FAN1: variants seen among roughly 807,000 people sequenced by gnomAD.
The protein encoded by FAN1 is FANCD2 and FANCI associated nuclease 1.
In FAN1, 91 loss-of-function variants were observed where a neutral mutation model predicts 104.9. That is an observed-to-expected ratio of 0.87 (90% confidence interval 0.73 to 1.03). The LOEUF (loss-of-function observed/expected upper bound fraction) is 1.03, where lower values mean the gene tolerates loss of function less well. Ranked by LOEUF, FAN1 falls within the 50% of genes least tolerant of loss-of-function variation. FAN1 has a pLI of 0.00. For missense variants in FAN1, 1,263 were observed against 1,239.9 expected (o/e 1.02, Z -0.28); for synonymous variants, 478 against 457.6 (o/e 1.04, Z -0.57).
At position 30,939,557 on chromosome 15, in the gene FAN1, T is replaced by C. The variant is rs116296754; in HGVS notation, c.*4-2009T>C. On this transcript the variant is annotated intron_variant, in intron 14 of 14. Coordinates refer to ENST00000362065, the MANE Select transcript of FAN1 (RefSeq NM_014967.5). ...AAAATAAAAGTATTTTACATTTGAT[T>C]ATCATACAAAAATATGCATTTTTCT... is the stretch of plus-strand genomic sequence containing the variant. The C allele has an allele frequency of 7.9e-4, 759 of 965,780 alleles. 7 individuals are homozygous for C. In the African/African-American group the frequency reaches 0.012, roughly 16 times the overall value. 59.8% of individuals were successfully genotyped at this position (965,780 alleles called of 1,614,324 possible). A position where few individuals can be genotyped will look rare whatever the true frequency, so the allele number is the denominator to read the frequency against.
chr15:30,942,698 A>C lies in FAN1; in HGVS notation c.*1136A>C, dbSNP rs867699549. ...AATCTGCCCACTCTCAGGTACTGAG[A>C]CTTTGTGGGCCTCAGACACCAGGAA... On this transcript the variant is annotated 3_prime_UTR_variant, in exon 15 of 15. Coordinates refer to ENST00000362065, the MANE Select transcript of FAN1 (RefSeq NM_014967.5). The C allele has an allele frequency of 4.4e-5, 25 of 571,912 alleles. No individual in the cohort carries two copies. Among genetic ancestry groups the C allele is most frequent in the Middle Eastern group, 9.2e-4 (2 of 2,182 alleles). 35.4% of individuals were successfully genotyped at this position (571,912 alleles called of 1,614,324 possible). A position where few individuals can be genotyped will look rare whatever the true frequency, so the allele number is the denominator to read the frequency against.
chr15:30,922,445 T>A, intron 8 of FAN1, 91 bp downstream of exon 8: 1 of 1,266,924 alleles, frequency 7.9e-7, no homozygotes, highest in Non-Finnish European at 1.1e-6. Context: ...AATTTACATG[T>A]AATTAGAACA....
chr15:30,923,772 C>T (rs2062392739), intron 8 of FAN1, among the ~76,000 whole-genome samples: 1 of 152,190 alleles, frequency 6.6e-6, no homozygotes, highest in South Asian at 2.1e-4. Context: ...CTCTGGATGG[C>T]CTGAGCCTTC....
At chr15:30,930,938 T>A (rs1488262389) in intron 13 of FAN1, among the ~76,000 whole-genome samples, 2 of 152,154 alleles carry the variant, frequency 1.3e-5, no homozygotes, top group African/African-American at 2.4e-5. Context: ...CCTGCTGTAT[T>A]CTGTGGTTAG....
At chr15:30,924,167 CAT>C (rs1248138805) in intron 8 of FAN1, among the ~76,000 whole-genome samples, 1 of 152,234 alleles carries the variant, frequency 6.6e-6, no homozygotes, top group East Asian at 1.9e-4. Context: ...CATCGTGGCA[CAT>C]GTCAGGACTC....
chr15:30,938,948 G>A (rs1307911252), intron 14 of FAN1: 7 of 985,188 alleles, frequency 7.1e-6, no homozygotes, highest in Admixed American at 6.2e-5. Flanking sequence ...ACAAACAGTC[G>A]CTGTGGAATT....
At position 30,905,438 on chromosome 15, in the gene FAN1, G is replaced by T; in HGVS notation, c.775G>T (p.Asp259Tyr). 6.2e-7 allele frequency: 1 copy of T among 1,614,066 alleles called. No homozygotes were observed. Among genetic ancestry groups the T allele is most frequent in the South Asian group, 1.1e-5 (1 of 91,082 alleles). Residue 259 changes from aspartate to tyrosine, a missense_variant, in exon 2 of 15, where the codon GAT (aspartate) becomes TAT (tyrosine). Asp to Tyr is a radical substitution (Grantham distance 160). Around this residue, in one of 2 missense-constraint regions of FAN1, gnomAD observed 682 missense variants for 571.1 expected, o/e 1.19. Coordinates refer to ENST00000362065, the MANE Select transcript of FAN1 (RefSeq NM_014967.5). ...EKSALTPGFS[D>Y]NAIMLFSPDF... The stretch of plus-strand genomic sequence containing the variant: ...ATCAGCCCTCACCCCTGGATTCTCA[G>T]ATAATGCGATCATGTTATTCTCACC...
At chr15:30,923,216 G>C (rs1158224990) in intron 8 of FAN1, among the ~76,000 whole-genome samples, 1 of 152,198 alleles carries the variant, frequency 6.6e-6, no homozygotes, top group Non-Finnish European at 1.5e-5. Context: ...ACGTATCAGG[G>C]AAAGAGCCAG....
At chr15:30,922,415 T>A (rs2062356039) in intron 8 of FAN1, 61 bp downstream of exon 8, 2 of 1,513,628 alleles carry the variant, frequency 1.3e-6, no homozygotes, top group Non-Finnish European at 1.8e-6. Flanking sequence ...TTTTAAAATA[T>A]GGCAAACTTA....
Position 30,941,997 on chromosome 15 carries a change from G to C in FAN1, c.*435G>C, listed in dbSNP as rs371202080. The C allele has an allele frequency of 3.1e-6, 5 of 1,614,004 alleles. No individual in the cohort carries two copies. In the African/African-American group the frequency reaches 5.3e-5, roughly 17 times the overall value. On this transcript the variant is annotated 3_prime_UTR_variant, in exon 15 of 15. Coordinates refer to ENST00000362065, the MANE Select transcript of FAN1 (RefSeq NM_014967.5). ...TTTAATATCAATGAATTTCTCCTTG[G>C]AAGTAATTCTTGGTCACTGATGATT...
At chr15:30,928,680 G>A (rs778569968) in intron 11 of FAN1, 24 bp downstream of exon 11, 12 of 1,613,296 alleles carry the variant, frequency 7.4e-6, no homozygotes, top group South Asian at 3.3e-5. Context: ...CCTGCCCCAC[G>A]AGTAGGTCCT....
chr15:30,908,160 T>C lies in FAN1; in HGVS notation c.1277T>C (p.Leu426Ser), dbSNP rs1361851911. 5.0e-6 allele frequency: 8 copies of C among 1,610,682 alleles called. 1 individual carries two copies. The South Asian group carries it at 7.8e-5, about 16-fold the overall frequency. Residue 426 changes from leucine to serine, a missense_variant, in exon 3 of 15, where the codon TTA becomes TCA. By Grantham distance (145) the Leu-to-Ser change is moderately radical. Transcript: ENST00000362065. The part of the protein sequence containing the change: ...KLYVRLFQRK[L>S]SWIKMTKLEY... The stretch of plus-strand genomic sequence containing the variant: ...TATGTAAGGCTCTTTCAACGTAAAT[T>C]AAGCTGGATTAAGATGACCAAATTA...
chr15:30,914,064 T>G lies in FAN1; in HGVS notation c.1784T>G (p.Ile595Ser). 1 of 1,613,858 alleles carries G rather than the reference T, an allele frequency of 6.2e-7. No homozygotes were observed. Among genetic ancestry groups the G allele is most frequent in the Non-Finnish European group, 8.5e-7 (1 of 1,179,732 alleles). The change falls in exon 5 of 15, where the codon ATC becomes AGC. Residue 595 changes from isoleucine to serine, a missense_variant. Coordinates refer to ENST00000362065, the MANE Select transcript of FAN1 (RefSeq NM_014967.5). The stretch of plus-strand genomic sequence containing the variant: ...TACACCATCAATCGGAAAACCCACA[T>G]CTTCCAAGACAGAGATGATCTTATC... ...PSYTINRKTHIFQDRDDLIRY... is the reference protein window; with the variant it reads ...PSYTINRKTHSFQDRDDLIRY...
chr15:30,926,198 G>A (rs960592066), intron 10 of FAN1, among the ~76,000 whole-genome samples: 2 of 152,218 alleles, frequency 1.3e-5, no homozygotes, highest in Non-Finnish European at 2.9e-5. Flanking sequence ...TACTGCACAA[G>A]CCTTTGTACA....
intron 12 of FAN1, 112 bp from the exon 13 acceptor site, chr15:30,930,431 T>C (rs1035670725): frequency 2.2e-5 from 27 of 1,253,048 alleles, no homozygotes; most frequent in East Asian, 1.6e-4. Context: ...CTGGGGTCCA[T>C]GTGCACTGAA....
chr15:30,908,276 A>C lies in FAN1; in HGVS notation c.1375+18A>C, dbSNP rs371629533. On this transcript the variant is annotated intron_variant, in intron 3 of 14. Coordinates refer to ENST00000362065, the MANE Select transcript of FAN1 (RefSeq NM_014967.5). ...ACAGACAGGTATGACTAGTAGAAGG[A>C]GATGTGAAATGAAAATATGATCTGA... 1.7e-5 allele frequency: 26 copies of C among 1,560,774 alleles called. No individual in the cohort carries two copies. In the African/African-American group the frequency reaches 3.3e-4, roughly 20 times the overall value.
rs2062304168 is a variant in FAN1 at position 30,920,565 on chromosome 15, T to C, written c.1964T>C (p.Leu655Pro). ...PSLRCHEDLP[L>P]FLRCFTVGWI... ...TTTAGATGCCACGAAGATTTACCAC[T>C]CTTCCTGCGGTGTTTCACTGTTGGG... Residue 655 changes from leucine to proline, a missense_variant, in exon 7 of 15, where the codon CTC becomes CCC. By Grantham distance (98) the Leu-to-Pro change is moderately conservative (BLOSUM62 -3). This residue lies in a region of FAN1 where 581 missense variants were observed against 668.8 expected (regional missense o/e 0.87). Transcript: ENST00000362065. 2 of 1,611,750 alleles carry C rather than the reference T, an allele frequency of 1.2e-6. No homozygotes were observed. The highest frequency in any genetic ancestry group is 1.7e-6 in the Non-Finnish European group (2 of 1,178,890).
rs535319978 is a variant in FAN1 at position 30,917,938 on chromosome 15, A to G, written c.1812-226A>G. Among the ~76,000 whole-genome samples the G allele has an allele frequency of 6.6e-5, 10 of 152,362 alleles. No homozygotes were observed. In the South Asian group the frequency reaches 1.9e-3, roughly 28 times the overall value. ...TTTATAGAATGGAACATGTTATGTG[A>G]TAATACAGCATAAATGTTTTTATCT... On this transcript the variant is annotated intron_variant, in intron 5 of 14. Transcript: ENST00000362065.
chr15:30,940,798 A>G lies in FAN1; in HGVS notation c.*4-768A>G, dbSNP rs1263020799. On this transcript the variant is annotated intron_variant, in intron 14 of 14. Coordinates refer to ENST00000362065, the MANE Select transcript of FAN1 (RefSeq NM_014967.5). ...AAGTGAAATTATATTTTCTTCTGTA[A>G]TATTTGTATCCTAAAGTCAAAGGCA... is the stretch of plus-strand genomic sequence containing the variant. The G allele has an allele frequency of 6.1e-6, 6 of 985,940 alleles. No individual in the cohort carries two copies. In the South Asian group the frequency reaches 2.8e-4, roughly 46 times the overall value. 61.1% of individuals were successfully genotyped at this position (985,940 alleles called of 1,614,324 possible).
Sources: allele counts gnomAD v4.1 joint callset (sites outside exome capture counted in the v4.1 genomes callset), GRCh38; gene constraint gnomAD v4.1.1; regional missense constraint gnomAD v4.1.1; transcripts MANE v1.5; gene names NCBI Gene and HGNC (gene_info 2026-07-23, HGNC 2026-07-21).